Variants in ARID4B observed in about 807,000 individuals in gnomAD.
ARID4B encodes the protein AT-rich interaction domain 4B.
In ARID4B, 26 loss-of-function variants were observed where a neutral mutation model predicts 147.5. That is an observed-to-expected ratio of 0.18 (90% CI 0.13 to 0.24). ARID4B has a LOEUF of 0.24. Among genes scored for constraint, ARID4B ranks in the 10% least tolerant of loss-of-function variants. The probability of loss-of-function intolerance (pLI) is 1.00; values close to 1 mark genes in which losing one functional copy is unlikely to be tolerated. For synonymous variants in ARID4B, 512 were observed against 507.9 expected, an observed-to-expected ratio of 1.01 and a Z score of -0.11; for missense variants, 1,179 against 1,511.5, an observed-to-expected ratio of 0.78 and a Z score of 3.65.
Position 235,181,785 on chromosome 1 carries a change from A to G in ARID4B, c.3134T>C (p.Val1045Ala), listed in dbSNP as rs1558175064. The change falls in exon 20 of 24, where the codon GTA becomes GCA. Residue 1045 changes from valine to alanine, a missense_variant. By Grantham distance (64) the Val-to-Ala change is moderately conservative. Transcript: ENST00000264183. ...TGGAGCCAGTGGTTCTGATACTGTT[A>G]CAGAAGACTGCTGCCGGCTGCCTTC... The part of the protein sequence containing the change: ...VTEGSRQQSS[V>A]TVSEPLAPNQ... The G allele has an allele frequency of 1.2e-5, 19 of 1,614,116 alleles. No homozygotes were observed. Among genetic ancestry groups the G allele is most frequent in the Non-Finnish European group, 1.6e-5 (19 of 1,180,024 alleles).
chr1:235,297,691 C>T (rs747448506), intron 2 of ARID4B, among the ~76,000 whole-genome samples: 2 of 152,094 alleles, frequency 1.3e-5, no homozygotes, highest in South Asian at 2.1e-4. Context: ...AAGAATACAG[C>T]ACCTCTTATA....
rs1558159030 is a variant in ARID4B, at chr1:235,168,259, C to T, written c.*266G>A. Reference sequence around the variant, plus strand: ...TATTGTCTCTACAGGCAGTGAAAAGCCTCCATTTGCCACAGTGGAAGGCCT... The same window carrying T: ...TATTGTCTCTACAGGCAGTGAAAAGTCTCCATTTGCCACAGTGGAAGGCCT... On this transcript the variant is annotated 3_prime_UTR_variant, in exon 24 of 24. Coordinates refer to ENST00000264183, the MANE Select transcript of ARID4B (RefSeq NM_016374.6). The T allele has an allele frequency of 2.8e-6, 1 of 355,818 alleles. No homozygotes were observed. Among genetic ancestry groups the T allele is most frequent in the Non-Finnish European group, 5.2e-6 (1 of 192,192 alleles). 22.0% of individuals were successfully genotyped at this position (355,818 alleles called of 1,614,324 possible).
intron 17 of ARID4B, among the ~76,000 whole-genome samples, chr1:235,210,957 A>T (rs781316401): frequency 6.6e-6 from 1 of 152,238 alleles, no homozygotes; most frequent in African/African-American, 2.4e-5. Context: ...AAACAAAGCT[A>T]TATCTTAATT....
At chr1:235,215,891 T>C (rs888821984) in intron 16 of ARID4B, among the ~76,000 whole-genome samples, 2 of 151,848 alleles carry the variant, frequency 1.3e-5, no homozygotes, top group Non-Finnish European at 2.9e-5. Context: ...GCCCACCTGA[T>C]GAATATAATA....
chr1:235,313,489 C>T (rs746918607), intron 2 of ARID4B, among the ~76,000 whole-genome samples: 33 of 152,068 alleles, frequency 2.2e-4, no homozygotes, highest in African/African-American at 6.8e-4. Context: ...TACAGTCATT[C>T]GCCCTACCTG....
Position 235,213,892 on chromosome 1 carries a change from A to G in ARID4B, c.1718T>C (p.Met573Thr). ...TCGTCCATACCGCACTTGGACTTTC[A>G]TGCCTGGTGGATAGCACTCAAACTC... ...EEEFECYPPG[M>T]KVQVRYGRGK... The change falls in exon 17 of 24, where the codon ATG becomes ACG. Residue 573 changes from methionine (M) to threonine (T), a missense_variant. Physicochemically the swap from Met to Thr is moderately conservative, Grantham distance 81. Transcript: ENST00000264183. 1 of 1,614,030 alleles carries G rather than the reference A, an allele frequency of 6.2e-7. No homozygotes were observed. The highest frequency in any genetic ancestry group is 1.7e-5 in the Admixed American group (1 of 60,004).
chr1:235,191,830 TG>T (rs1665131983), intron 19 of ARID4B, among the ~76,000 whole-genome samples: 1 of 152,156 alleles, frequency 6.6e-6, no homozygotes, highest in Non-Finnish European at 1.5e-5. Context: ...CCTAACACTT[TG>T]GAAGGCTGAG....
At chr1:235,170,707 C>A (rs951084344) in intron 23 of ARID4B, among the ~76,000 whole-genome samples, 4 of 151,820 alleles carry the variant, frequency 2.6e-5, no homozygotes, top group African/African-American at 4.8e-5. Context: ...CACTACACTC[C>A]AGCCTGGATG....
intron 17 of ARID4B, among the ~76,000 whole-genome samples, chr1:235,206,855 C>CA (rs1051127652): frequency 6.6e-6 from 1 of 152,166 alleles, no homozygotes; most frequent in African/African-American, 2.4e-5. Context: ...AGGTAACTTT[C>CA]AAACAGTTCT....
At chr1:235,319,772 A>G (rs1674694579) in intron 2 of ARID4B, among the ~76,000 whole-genome samples, 1 of 152,110 alleles carries the variant, frequency 6.6e-6, no homozygotes, top group South Asian at 2.1e-4. Flanking sequence ...CGGGCGGATC[A>G]CTTAAGGTCA....
At chr1:235,177,976 A>T in intron 20 of ARID4B, 63 bp from the exon 21 acceptor site, 1 of 929,204 alleles carries the variant, frequency 1.1e-6, no homozygotes, top group Non-Finnish European at 1.6e-6. Flanking sequence ...GTATAAATTA[A>T]TTCCACATTT....
At chr1:235,253,362 A>G (rs886835423) in intron 5 of ARID4B, among the ~76,000 whole-genome samples, 6 of 152,130 alleles carry the variant, frequency 3.9e-5, no homozygotes, top group Admixed American at 2.6e-4. Context: ...GCCTCTACCC[A>G]CTAGATGTCA....
chr1:235,291,929 G>A (rs1672363426), intron 2 of ARID4B, among the ~76,000 whole-genome samples: 1 of 152,060 alleles, frequency 6.6e-6, no homozygotes, highest in Non-Finnish European at 1.5e-5. Context: ...TCTACGTGTG[G>A]AAACAATACA....
chr1:235,228,991 C>CT (rs1558225205), intron 11 of ARID4B: 2 of 436,100 alleles, frequency 4.6e-6, no homozygotes, highest in Non-Finnish European at 8.0e-6. Context: ...CATAGGAAGA[C>CT]TAAGACATGT....
chr1:235,214,837 CTTTTT>C (rs10657168), intron 16 of ARID4B, among the ~76,000 whole-genome samples: 1 of 102,326 alleles, frequency 9.8e-6, no homozygotes, highest in Admixed American at 1.3e-4. Context: ...GTATTACATC[CTTTTT>C]TTTTTTTTTT....
At chr1:235,297,522 A>G (rs976332963) in intron 2 of ARID4B, among the ~76,000 whole-genome samples, 7 of 152,216 alleles carry the variant, frequency 4.6e-5, no homozygotes, top group Non-Finnish European at 4.4e-5. Context: ...CAATCCTTAT[A>G]TAATGGATCT....
chr1:235,301,325 C>T (rs1024005496), intron 2 of ARID4B, among the ~76,000 whole-genome samples: 3 of 151,584 alleles, frequency 2.0e-5, no homozygotes, highest in African/African-American at 7.3e-5. Context: ...ATCGCTTGAG[C>T]CCAGGAGTTT....
intron 2 of ARID4B, among the ~76,000 whole-genome samples, chr1:235,316,862 A>T (rs1382000990): frequency 6.7e-6 from 1 of 148,618 alleles, no homozygotes; most frequent in Non-Finnish European, 1.5e-5. Flanking sequence ...ACATATACAT[A>T]CGTAAAACAC....
chr1:235,219,152 A>G (rs1008869428), intron 16 of ARID4B, among the ~76,000 whole-genome samples: 5 of 151,700 alleles, frequency 3.3e-5, no homozygotes, highest in Non-Finnish European at 7.4e-5. Context: ...GGCGTGAACC[A>G]CCGCACCTGG....
Sources: allele counts gnomAD v4.1 joint callset (sites outside exome capture counted in the v4.1 genomes callset), GRCh38; gene constraint gnomAD v4.1.1; transcripts MANE v1.5; gene names NCBI Gene and HGNC (gene_info 2026-07-23, HGNC 2026-07-21).